SCHIP1: variants seen among roughly 807,000 people sequenced by gnomAD.
SCHIP1 encodes the protein schwannomin interacting protein 1.
SCHIP1 carries 8 observed loss-of-function variants against 29.7 expected under a neutral mutation model. The observed-to-expected ratio is 0.27, with a 90% CI of 0.16 to 0.49. SCHIP1 has a LOEUF of 0.49. Ranked by LOEUF, SCHIP1 falls within the 20% of genes least tolerant of loss-of-function variation. SCHIP1 has a pLI of 0.99. For synonymous variants in SCHIP1, 76 were observed against 94.9 expected (o/e 0.80, Z 1.16); for missense variants, 193 against 294.6 (o/e 0.66, Z 2.52).
the SCHIP1 span, among the ~76,000 whole-genome samples, chr3:159,475,471 G>A: frequency 6.6e-6 from 1 of 152,074 alleles, no homozygotes; most frequent in African/African-American, 2.4e-5. Context: ...TTTTTTGGCA[G>A]GGAGTGAAGA....
the SCHIP1 span, among the ~76,000 whole-genome samples, chr3:159,611,743 A>G: frequency 6.6e-6 from 1 of 152,132 alleles, no homozygotes; most frequent in African/African-American, 2.4e-5. Context: ...AACCCACTCT[A>G]ATTTTTTACA....
chr3:159,871,782 CATCT>C (rs1715318678), intron 2 of SCHIP1, among the ~76,000 whole-genome samples: 2 of 148,166 alleles, frequency 1.3e-5, no homozygotes, highest in South Asian at 4.3e-4. Flanking sequence ...TTCAGTAAAG[CATCT>C]CTTTGCCACC....
chr3:159,782,420 C>G, the SCHIP1 span, among the ~76,000 whole-genome samples: 2 of 152,228 alleles, frequency 1.3e-5, no homozygotes, highest in East Asian at 3.8e-4. Context: ...AGCTGTTTCT[C>G]TTTGCTAATA....
the SCHIP1 span, among the ~76,000 whole-genome samples, chr3:159,355,676 T>C: frequency 6.6e-6 from 1 of 152,006 alleles, no homozygotes; most frequent in African/African-American, 2.4e-5. Context: ...CCCTCCTCTC[T>C]TTACCCCTTC....
chr3:159,432,319 TGTGTGTGTGTGTGTGTGTGTGAGAGAGA>T, the SCHIP1 span, among the ~76,000 whole-genome samples: 239 of 106,214 alleles, frequency 2.3e-3, 1 homozygote, highest in Non-Finnish European at 4.0e-3. Flanking sequence ...TGTGTGTGTG[TGTGTGTGTGTGTGTGTGTGTGAGAGAGA>T]GAGAGAGAGA....
the SCHIP1 span, among the ~76,000 whole-genome samples, chr3:159,807,600 A>C: frequency 1.3e-5 from 2 of 152,002 alleles, no homozygotes; most frequent in African/African-American, 2.4e-5. Flanking sequence ...ATCATAATTT[A>C]TGTGTGTGTT....
the SCHIP1 span, among the ~76,000 whole-genome samples, chr3:159,489,677 G>A: frequency 6.6e-6 from 1 of 152,074 alleles, no homozygotes; most frequent in African/African-American, 2.4e-5. Flanking sequence ...GAAAATGCAT[G>A]TGTTTATTAT....
chr3:159,757,086 C>G, the SCHIP1 span, among the ~76,000 whole-genome samples: 17 of 152,252 alleles, frequency 1.1e-4, no homozygotes, highest in Non-Finnish European at 2.2e-4. Context: ...TCCAAAGTCC[C>G]TTCCACATTT....
the SCHIP1 span, among the ~76,000 whole-genome samples, chr3:159,626,101 G>T: frequency 0.025 from 2,654 of 107,950 alleles, 252 homozygotes; most frequent in African/African-American, 0.16. Context: ...TAGATAGATA[G>T]ATAGATAGAT....
the SCHIP1 span, among the ~76,000 whole-genome samples, chr3:159,404,975 G>A: frequency 6.6e-6 from 1 of 152,170 alleles, no homozygotes; most frequent in Non-Finnish European, 1.5e-5. Flanking sequence ...GAAAGTAAGG[G>A]AATAGAAGAG....
the SCHIP1 span, among the ~76,000 whole-genome samples, chr3:159,810,638 A>G: frequency 1.3e-5 from 2 of 152,156 alleles, no homozygotes; most frequent in African/African-American, 2.4e-5. Flanking sequence ...GTAGCACATA[A>G]CAGTAGTTCC....
the SCHIP1 span, among the ~76,000 whole-genome samples, chr3:159,436,410 G>C: frequency 1.3e-5 from 2 of 152,040 alleles, no homozygotes; most frequent in Admixed American, 1.3e-4. Flanking sequence ...GAGGATTAAG[G>C]GAAATTAACT....
the SCHIP1 span, among the ~76,000 whole-genome samples, chr3:159,350,386 A>G: frequency 6.6e-6 from 1 of 152,196 alleles, no homozygotes; most frequent in Non-Finnish European, 1.5e-5. Flanking sequence ...GCAAAAAATA[A>G]GAGATTGTAT....
At chr3:159,850,639 G>A (rs1051338961) in intron 1 of SCHIP1, among the ~76,000 whole-genome samples, 7 of 152,074 alleles carry the variant, frequency 4.6e-5, no homozygotes, top group Admixed American at 3.9e-4. Flanking sequence ...GGCAGTACAG[G>A]AAGCATGGTG....
chr3:159,425,347 A>G, the SCHIP1 span, among the ~76,000 whole-genome samples: 2 of 150,916 alleles, frequency 1.3e-5, no homozygotes, highest in African/African-American at 4.9e-5. Context: ...ATGGAGGAAG[A>G]TCTACCAAGC....
chr3:159,653,749 TA>T, the SCHIP1 span, among the ~76,000 whole-genome samples: 5,126 of 108,752 alleles, frequency 0.047, 120 homozygotes, highest in African/African-American at 0.079. Flanking sequence ...GAACTTAAAG[TA>T]AAAAAAAAAA....
chr3:159,663,286 A>G, the SCHIP1 span, among the ~76,000 whole-genome samples: 1 of 152,178 alleles, frequency 6.6e-6, no homozygotes, highest in Non-Finnish European at 1.5e-5. Flanking sequence ...AGCCTGAGTA[A>G]CCCTTGGAGT....
At chr3:159,707,221 G>A in the SCHIP1 span, among the ~76,000 whole-genome samples, 2 of 152,172 alleles carry the variant, frequency 1.3e-5, no homozygotes, top group Non-Finnish European at 2.9e-5. Context: ...CTACCTAGGA[G>A]AAAAGGGAAG....
the SCHIP1 span, among the ~76,000 whole-genome samples, chr3:159,371,703 C>A: frequency 6.6e-6 from 1 of 152,126 alleles, no homozygotes; most frequent in South Asian, 2.1e-4. Context: ...ATGGGTAGTA[C>A]TTGCACATAG....
Sources: gnomAD v4.1 joint callset for allele counts (sites outside exome capture counted in the v4.1 genomes callset) on GRCh38, gnomAD v4.1.1 for gene constraint, MANE v1.5 for transcripts, NCBI Gene and HGNC (gene_info 2026-07-23, HGNC 2026-07-21) for gene names.